SGK3: variants seen among roughly 807,000 people sequenced by gnomAD.
SGK3 encodes the protein serine/threonine-protein kinase Sgk3.
In SGK3, 47 loss-of-function variants were observed where a neutral mutation model predicts 68.5. The ratio of observed to expected loss-of-function variants is 0.69; its 90% CI spans 0.54 to 0.87. The LOEUF is 0.87. SGK3 is among the 40% of genes least tolerant of loss of function. The pLI, the probability that SGK3 is intolerant of heterozygous loss-of-function variation, is 0.00. For missense variants in SGK3, 479 were observed against 575.5 expected, an observed-to-expected ratio of 0.83 and a Z score of 1.72; for synonymous variants, 181 against 189.1, an observed-to-expected ratio of 0.96 and a Z score of 0.35.
chr8:66,817,094 A>C (rs976906948), intron 5 of SGK3, among the ~76,000 whole-genome samples: 1 of 151,990 alleles, frequency 6.6e-6, no homozygotes, highest in Non-Finnish European at 1.5e-5. Context: ...TGCTGGGATT[A>C]CAGGCATGAG....
intron 1 of SGK3, among the ~76,000 whole-genome samples, chr8:66,723,104 TATATATATATATATATATATA>T (rs1563595059): frequency 3.8e-4 from 13 of 34,274 alleles, no homozygotes; most frequent in Non-Finnish European, 4.3e-4. Flanking sequence ...TATATATATA[TATATATATATATATATATATA>T]TATATATTTT....
chr8:66,747,381 C>T (rs564521958), intron 1 of SGK3, among the ~76,000 whole-genome samples: 352 of 152,230 alleles, frequency 2.3e-3, no homozygotes, highest in Non-Finnish European at 4.2e-3. Context: ...GAATAAAAGA[C>T]TATCTTCAAG....
intron 1 of SGK3, among the ~76,000 whole-genome samples, chr8:66,717,090 A>G (rs1266495222): frequency 6.6e-6 from 1 of 151,956 alleles, no homozygotes; most frequent in Non-Finnish European, 1.5e-5. Context: ...CTGTAAGCCC[A>G]GCTACTTGGG....
At chr8:66,792,159 A>T (rs1807486764) in intron 1 of SGK3, among the ~76,000 whole-genome samples, 1 of 152,000 alleles carries the variant, frequency 6.6e-6, no homozygotes, top group Non-Finnish European at 1.5e-5. Context: ...GAGAAACCCC[A>T]TCTCTACTAA....
At chr8:66,755,640 A>C (rs1296691819) in intron 1 of SGK3, among the ~76,000 whole-genome samples, 4 of 151,526 alleles carry the variant, frequency 2.6e-5, no homozygotes, top group Middle Eastern at 3.2e-3. Context: ...ACCATACAGC[A>C]CTCCCGTACT....
In SGK3 at chr8:66,744,531, T is replaced by TGTTGTTG. The variant is rs757878685; in HGVS notation, c.-122+31698_-122+31699insGTTGTTG. Among the ~76,000 whole-genome samples, 423 of 107,672 alleles carry TGTTGTTG rather than the reference T, an allele frequency of 3.9e-3. 11 individuals carry two copies. The highest frequency in any genetic ancestry group is 0.015 in the African/African-American group (391 of 26,230). The allele number at this position is 107,672 out of a possible 152,430, so 70.6% of individuals were successfully genotyped here. On this transcript the variant is annotated intron_variant, in intron 1 of 16. Transcript: ENST00000521198. ...TATATATATATATATTTTTTTTTTT[T>TGTTGTTG]TTTTTTTTTTTTTTAGATGGAGTCT...
chr8:66,803,904 G>A (rs948272646), intron 3 of SGK3, among the ~76,000 whole-genome samples: 20 of 151,908 alleles, frequency 1.3e-4, no homozygotes, highest in African/African-American at 4.8e-4. Context: ...ATAGGGTATT[G>A]AAAGCAAAAT....
intron 5 of SGK3, among the ~76,000 whole-genome samples, chr8:66,817,032 A>G (rs527528330): frequency 4.0e-5 from 6 of 151,364 alleles, no homozygotes; most frequent in Non-Finnish European, 8.9e-5. Flanking sequence ...GGTTTCATCA[A>G]TGGGCCAGGC....
At chr8:66,807,473 C>T (rs986155395) in intron 4 of SGK3, among the ~76,000 whole-genome samples, 2 of 152,166 alleles carry the variant, frequency 1.3e-5, no homozygotes, top group African/African-American at 4.8e-5. Flanking sequence ...TTAATTGACA[C>T]TAAAAACTGA....
rs1176456759 is a variant in SGK3, at chr8:66,744,508, TATATATATA to T, written c.-122+31676_-122+31684del. ...GTATATATATATATATATATATATA[TATATATATA>T]TATTTTTTTTTTTTTTTTTTTTTTT... is the stretch of plus-strand genomic sequence containing the variant. On this transcript the variant is annotated intron_variant, in intron 1 of 16. Transcript: ENST00000521198. Among the ~76,000 whole-genome samples the T allele has an allele frequency of 1.1e-3, 33 of 31,222 alleles. 1 individual carries two copies. Among genetic ancestry groups the T allele is most frequent in the African/African-American group, 3.3e-3 (24 of 7,206 alleles). 20.5% of individuals were successfully genotyped at this position (31,222 alleles called of 152,430 possible).
In SGK3 at chr8:66,793,604, C is replaced by G; in HGVS notation, c.-121-12C>G. The G allele has an allele frequency of 9.4e-5, 53 of 564,060 alleles. No individual in the cohort carries two copies. The highest frequency in any genetic ancestry group is 1.2e-4 in the East Asian group (3 of 24,712). The allele number at this position is 564,060 out of a possible 1,614,324, so 34.9% of individuals were successfully genotyped here. On this transcript the variant is annotated splice_polypyrimidine_tract_variant and intron_variant, in intron 1 of 16. Transcript: ENST00000521198. ...TTTTGCTAATCACTTTTTTTTTTTT[C>G]TGTTGGTTAAGGTTGCATGATGGAA...
rs182396057 is a variant in SGK3, at chr8:66,782,209, C to T, written c.-121-11407C>T. Among the ~76,000 whole-genome samples the T allele has an allele frequency of 3.3e-5, 5 of 152,244 alleles. No individual in the cohort carries two copies. The South Asian group carries it at 6.2e-4, about 19-fold the overall frequency. ...AAGGTGCTTTTAATGTAACTTAAAA[C>T]GAAACCTATTCATAGGGTCTATTCT... On this transcript the variant is annotated intron_variant, in intron 1 of 16. Transcript: ENST00000521198.
chr8:66,860,888 C>A lies in SGK3; in HGVS notation c.*1307C>A, dbSNP rs1168545691. 2 of 151,042 alleles carry A rather than the reference C, an allele frequency of 1.3e-5. No homozygotes were observed. Among genetic ancestry groups the A allele is most frequent in the Non-Finnish European group, 3.0e-5 (2 of 67,726 alleles). 9.4% of individuals were successfully genotyped at this position (151,042 alleles called of 1,614,324 possible). A position where few individuals can be genotyped will look rare whatever the true frequency, so the allele number is the denominator to read the frequency against. On this transcript the variant is annotated 3_prime_UTR_variant, in exon 17 of 17. Coordinates refer to ENST00000521198, the MANE Select transcript of SGK3 (RefSeq NM_001033578.3). ...CATGCCTATAAGCACCCTGGGAGGC[C>A]GAGGCAGGCAGATTATTTGAGCTCA...
At chr8:66,724,444 C>T (rs543442703) in intron 1 of SGK3, among the ~76,000 whole-genome samples, 13 of 152,246 alleles carry the variant, frequency 8.5e-5, no homozygotes, top group East Asian at 3.9e-4. Context: ...GGTGTGGTGG[C>T]GGACACCTGT....
At chr8:66,784,129 G>A (rs1225661605) in intron 1 of SGK3, among the ~76,000 whole-genome samples, 2 of 152,076 alleles carry the variant, frequency 1.3e-5, no homozygotes, top group Non-Finnish European at 2.9e-5. Context: ...CCGAACTCCT[G>A]GGCTCAAGGG....
chr8:66,848,085 T>C (rs781495170), intron 15 of SGK3, among the ~76,000 whole-genome samples: 18 of 152,168 alleles, frequency 1.2e-4, no homozygotes, highest in Non-Finnish European at 1.8e-4. Flanking sequence ...ACTTGAGCTG[T>C]GAATAAAAGA....
At chr8:66,716,734 G>C (rs1000439732) in intron 1 of SGK3, among the ~76,000 whole-genome samples, 2 of 152,148 alleles carry the variant, frequency 1.3e-5, no homozygotes, top group African/African-American at 4.8e-5. Context: ...TCCTAACAGG[G>C]CCATACATAT....
At chr8:66,753,678 G>T (rs1193553933) in intron 1 of SGK3, among the ~76,000 whole-genome samples, 1 of 152,052 alleles carries the variant, frequency 6.6e-6, no homozygotes, top group Non-Finnish European at 1.5e-5. Context: ...TACAAAATTA[G>T]CTGGGCGTGG....
At chr8:66,795,253 T>C (rs1307496837) in intron 2 of SGK3, among the ~76,000 whole-genome samples, 1 of 152,134 alleles carries the variant, frequency 6.6e-6, no homozygotes, top group Non-Finnish European at 1.5e-5. Context: ...CCCTCTGTCC[T>C]CTCTTCCTTA....
Sources: gnomAD v4.1 joint callset for allele counts (sites outside exome capture counted in the v4.1 genomes callset) on GRCh38, gnomAD v4.1.1 for gene constraint, MANE v1.5 for transcripts, NCBI Gene and HGNC (gene_info 2026-07-23, HGNC 2026-07-21) for gene names.